EMILIN2: variants seen among roughly 807,000 people sequenced by gnomAD.
EMILIN2 encodes the protein EMILIN-2.
A neutral mutation model predicts 87.1 loss-of-function variants in EMILIN2; 71 were observed. The observed-to-expected ratio is 0.82, with a 90% confidence interval of 0.67 to 0.99. EMILIN2 has a LOEUF of 0.99. Ranked by LOEUF, EMILIN2 falls within the 50% of genes least tolerant of loss-of-function variation. The pLI, the probability that EMILIN2 is intolerant of heterozygous loss-of-function variation, is 0.00. For missense variants in EMILIN2, 1,407 were observed against 1,371.8 expected (o/e 1.03, Z -0.40); for synonymous variants, 581 against 563.4 (o/e 1.03, Z -0.44).
intron 4 of EMILIN2, 180 bp from the exon 5 acceptor site, chr18:2,906,603 C>G: frequency 6.6e-6 from 3 of 452,448 alleles, no homozygotes; most frequent in Non-Finnish European, 1.1e-5. Context: ...GGGTGGCCCG[C>G]GGCGTCCTCG....
In EMILIN2 at chr18:2,890,718, G is replaced by A. The variant is rs200834200; in HGVS notation, c.591G>A (p.Thr197=). The A allele has an allele frequency of 3.6e-4, 577 of 1,614,100 alleles. 4 individuals carry two copies. The highest frequency in any genetic ancestry group is 2.9e-3 in the South Asian group (261 of 91,084). ...AGAAGGTTCTTCGACTCACAAGGACGGTTCTTGACCTCCAGTCTTCCCTTG... is the reference window on the plus strand; with the variant it reads ...AGAAGGTTCTTCGACTCACAAGGACAGTTCTTGACCTCCAGTCTTCCCTTG... ...LEEKVLRLTR[T]VLDLQSSLAG... is the part of the protein sequence containing the mutation. The change falls in exon 4 of 8, where the codon ACG becomes ACA. Residue 197 remains threonine, a synonymous_variant. Coordinates refer to ENST00000254528, the MANE Select transcript of EMILIN2 (RefSeq NM_032048.3). This position sits in a 1 kb window ranked among gnomAD's most constrained non-coding sequence, Gnocchi z 4.7.
At chr18:2,883,360 C>G (rs551794364) in intron 2 of EMILIN2, among the ~76,000 whole-genome samples, 7 of 152,184 alleles carry the variant, frequency 4.6e-5, no homozygotes, top group Non-Finnish European at 7.3e-5. Context: ...CCCGCCTCCC[C>G]CCATGGGCAG....
At chr18:2,881,884 C>T (rs993514814) in intron 2 of EMILIN2, among the ~76,000 whole-genome samples, 3 of 152,194 alleles carry the variant, frequency 2.0e-5, no homozygotes, top group African/African-American at 7.2e-5. Flanking sequence ...TGGTGGGGAC[C>T]GAGGGCTGGT....
chr18:2,892,597 A>C, intron 4 of EMILIN2, 111 bp downstream of exon 4: 1 of 1,401,422 alleles, frequency 7.1e-7, no homozygotes, highest in Non-Finnish European at 9.5e-7. Context: ...ATGAGGTAAA[A>C]ATGTGACAGT....
Position 2,891,713 on chromosome 18 carries a change from G to C in EMILIN2, c.1586G>C (p.Gly529Ala), listed in dbSNP as rs1163543152. The stretch of plus-strand genomic sequence containing the variant: ...GCAGCAGCCCTGCCAGGAGTGTCAG[G>C]GTCAGGAGATGAACGGGTCATGATG... Reference protein sequence around the residue: ...PGAAALPGVSGSGDERVMMEL... With the variant: ...PGAAALPGVSASGDERVMMEL... Residue 529 changes from glycine to alanine, a missense_variant, in exon 4 of 8, where the codon GGG becomes GCG. Coordinates refer to ENST00000254528, the MANE Select transcript of EMILIN2 (RefSeq NM_032048.3). This position sits in a 1 kb window ranked among gnomAD's most constrained non-coding sequence, Gnocchi z 4.6. The C allele has an allele frequency of 6.2e-7, 1 of 1,614,104 alleles. No individual in the cohort carries two copies. The highest frequency in any genetic ancestry group is 1.6e-4 in the Middle Eastern group (1 of 6,062).
At chr18:2,871,099 G>A (rs972705540) in intron 2 of EMILIN2, among the ~76,000 whole-genome samples, 4 of 152,084 alleles carry the variant, frequency 2.6e-5, no homozygotes, top group East Asian at 1.9e-4. Flanking sequence ...CACATTTTCC[G>A]GTACTGGGGG....
chr18:2,891,737 T>G lies in EMILIN2; in HGVS notation c.1610T>G (p.Met537Arg). The change falls in exon 4 of 8, where the codon ATG becomes AGG. Residue 537 changes from methionine (M) to arginine (R), a missense_variant. Transcript: ENST00000254528. This position sits in a 1 kb window ranked among gnomAD's most constrained non-coding sequence, Gnocchi z 4.6. ...GGGTCAGGAGATGAACGGGTCATGA[T>G]GGAATTAAACCACCTGAAGGACAAA... ...VSGSGDERVM[M>R]ELNHLKDKVQ... 6.2e-7 allele frequency: 1 copy of G among 1,614,100 alleles called. No individual in the cohort carries two copies. Among genetic ancestry groups the G allele is most frequent in the Non-Finnish European group, 8.5e-7 (1 of 1,180,028 alleles).
chr18:2,889,698 T>C lies in EMILIN2; in HGVS notation c.434-863T>C, dbSNP rs557187672. On this transcript the variant is annotated intron_variant, in intron 3 of 7. Transcript: ENST00000254528. ...CTTCTTCTTTTTTTCTTTTCTTTTT[T>C]TTTTTTTTTTTTTTTTAAAGATACA... Among the ~76,000 whole-genome samples the C allele has an allele frequency of 5.9e-3, 864 of 146,628 alleles. 7 individuals carry two copies. The highest frequency in any genetic ancestry group is 0.02 in the African/African-American group (809 of 39,982).
chr18:2,858,581 GTGTATATATATA>G (rs2076643205), intron 2 of EMILIN2, among the ~76,000 whole-genome samples: 1 of 64,810 alleles, frequency 1.5e-5, no homozygotes, highest in Admixed American at 1.8e-4. Flanking sequence ...GTGTGTGTGT[GTGTATATATATA>G]TATATATATG....
At chr18:2,873,184 G>T (rs1384333916) in intron 2 of EMILIN2, among the ~76,000 whole-genome samples, 1 of 152,188 alleles carries the variant, frequency 6.6e-6, no homozygotes, top group African/African-American at 2.4e-5. Flanking sequence ...GCCGAGGCAG[G>T]TGGATCACCT....
At chr18:2,873,654 C>T (rs1383898365) in intron 2 of EMILIN2, among the ~76,000 whole-genome samples, 1 of 151,960 alleles carries the variant, frequency 6.6e-6, no homozygotes, top group African/African-American at 2.4e-5. Flanking sequence ...TTGCAGTGAG[C>T]CAAGATCGCG....
intron 2 of EMILIN2, among the ~76,000 whole-genome samples, chr18:2,853,955 T>C (rs573256814): frequency 6.6e-6 from 1 of 152,336 alleles, no homozygotes; most frequent in South Asian, 2.1e-4. Context: ...TTTTCTTTCA[T>C]GCTTCCAAAT....
At position 2,906,917 on chromosome 18, in the gene EMILIN2, G is replaced by A. The variant is rs2076916336; in HGVS notation, c.2494G>A (p.Glu832Lys). ...GCCCGTCCTGCCCCAGCGGCCCCCC[G>A]AGGAGAGGCCGCCCCAGCCGCCAGG... ...RRPVLPQRPP[E>K]ERPPQPPGST... Residue 832 changes from glutamate to lysine, a missense_variant, in exon 5 of 8, where the codon GAG becomes AAG. Coordinates refer to ENST00000254528, the MANE Select transcript of EMILIN2 (RefSeq NM_032048.3). 5.0e-6 allele frequency: 7 copies of A among 1,396,394 alleles called. No individual in the cohort carries two copies. The highest frequency in any genetic ancestry group is 4.6e-5 in the South Asian group (3 of 65,454). The allele number at this position is 1,396,394 out of a possible 1,614,324, so 86.5% of individuals were successfully genotyped here. A position where few individuals can be genotyped will look rare whatever the true frequency, so the allele number is the denominator to read the frequency against.
chr18:2,907,107 G>A (rs2076918163), intron 5 of EMILIN2, 22 bp downstream of exon 5: 1 of 1,232,626 alleles, frequency 8.1e-7, no homozygotes, highest in Non-Finnish European at 1.0e-6. Flanking sequence ...GGCTGCGCGG[G>A]GAGGAGCGCG....
chr18:2,909,682 C>G lies in EMILIN2; in HGVS notation c.2696-9C>G. 1 of 1,613,594 alleles carries G rather than the reference C, an allele frequency of 6.2e-7. No homozygotes were observed. Among genetic ancestry groups the G allele is most frequent in the Non-Finnish European group, 8.5e-7 (1 of 1,179,728 alleles). ...CGGGTCAATCCATTCCATCCTTTCT[C>G]TGCTCCAGGAGCTCCGGTGCCTTCT... On this transcript the variant is annotated splice_polypyrimidine_tract_variant and intron_variant, in intron 6 of 7. Coordinates refer to ENST00000254528, the MANE Select transcript of EMILIN2 (RefSeq NM_032048.3).
intron 4 of EMILIN2, among the ~76,000 whole-genome samples, chr18:2,903,782 T>TA (rs986962070): frequency 6.6e-6 from 1 of 152,190 alleles, no homozygotes; most frequent in African/African-American, 2.4e-5. Context: ...TCCATTTTTT[T>TA]TAAAAATTGA....
chr18:2,846,883 C>A (rs990805230), upstream of EMILIN2: 15 of 988,014 alleles, frequency 1.5e-5, no homozygotes, highest in Non-Finnish European at 1.8e-5. This position sits in a 1 kb window ranked among gnomAD's most constrained non-coding sequence, Gnocchi z 5.3. Flanking sequence ...GGACTGGAGA[C>A]GGGGAGACTT....
intron 2 of EMILIN2, among the ~76,000 whole-genome samples, chr18:2,849,383 G>A (rs965745632): frequency 1.3e-5 from 2 of 152,200 alleles, no homozygotes; most frequent in African/African-American, 2.4e-5. Context: ...GTGACAATTC[G>A]GAGATAAATG....
chr18:2,859,248 G>C (rs1678399119), intron 2 of EMILIN2, among the ~76,000 whole-genome samples: 1 of 151,944 alleles, frequency 6.6e-6, no homozygotes, highest in Admixed American at 6.6e-5. Context: ...AAATTTTTTT[G>C]ATTATGGCCA....
Sources: gnomAD v4.1 joint callset for allele counts (sites outside exome capture counted in the v4.1 genomes callset) on GRCh38, gnomAD v4.1.1 for gene constraint, Gnocchi (gnomAD v3.1) non-coding constraint, MANE v1.5 for transcripts, NCBI Gene and HGNC (gene_info 2026-07-23, HGNC 2026-07-21) for gene names.